Variants in RNF214 observed in about 807,000 individuals in gnomAD.
The protein encoded by RNF214 is ring finger protein 214.
A neutral mutation model predicts 75.9 loss-of-function variants in RNF214; 25 were observed. That is an observed-to-expected ratio of 0.33 (90% CI 0.24 to 0.46). The LOEUF (loss-of-function observed/expected upper bound fraction) is 0.46. Ranked by LOEUF, RNF214 falls within the 20% of genes least tolerant of loss-of-function variation. RNF214 has a pLI of 1.00. For synonymous variants in RNF214, 314 were observed against 308.8 expected (o/e 1.02, Z -0.18); for missense variants, 725 against 857.5 (o/e 0.85, Z 1.93).
At chr11:117,252,791 A>C (rs559072744) in intron 6 of RNF214, among the ~76,000 whole-genome samples, 1 of 152,018 alleles carries the variant, frequency 6.6e-6, no homozygotes, top group Non-Finnish European at 1.5e-5. Context: ...AAGTGCTGGG[A>C]TTACAGGCAT....
chr11:117,242,524 A>G (rs553475218), intron 4 of RNF214, among the ~76,000 whole-genome samples: 28 of 152,296 alleles, frequency 1.8e-4, no homozygotes, highest in African/African-American at 5.3e-4. Flanking sequence ...GTTTGGCTCT[A>G]TCTTTTGGGT....
chr11:117,233,220 C>A (rs529491386), intron 1 of RNF214, among the ~76,000 whole-genome samples: 1 of 152,188 alleles, frequency 6.6e-6, no homozygotes, highest in African/African-American at 2.4e-5. Flanking sequence ...TTTCGTTCAC[C>A]GGGCGCAGAG....
intron 6 of RNF214, among the ~76,000 whole-genome samples, chr11:117,264,943 T>G (rs944025272): frequency 6.6e-6 from 1 of 151,932 alleles, no homozygotes; most frequent in African/African-American, 2.4e-5. Flanking sequence ...GGCATGTGTC[T>G]GTACTCCCAG....
At chr11:117,284,794 G>T (rs1173380239) in intron 14 of RNF214, among the ~76,000 whole-genome samples, 2 of 152,116 alleles carry the variant, frequency 1.3e-5, no homozygotes, top group Non-Finnish European at 2.9e-5. Context: ...GCCAGGAACG[G>T]TGGTGAACGC....
chr11:117,283,254 G>C, intron 14 of RNF214, 44 bp downstream of exon 14: 7 of 1,285,140 alleles, frequency 5.4e-6, no homozygotes, highest in Non-Finnish European at 7.8e-6. Flanking sequence ...TTTTTCTTCT[G>C]ACAGCTAAAA....
In RNF214 at chr11:117,244,140, C is replaced by T. The variant is rs1048757293; in HGVS notation, c.679-305C>T. Among the ~76,000 whole-genome samples the T allele has an allele frequency of 9.2e-5, 14 of 152,068 alleles. No individual in the cohort carries two copies. The South Asian group carries it at 2.9e-3, about 32-fold the overall frequency. The stretch of plus-strand genomic sequence containing the variant: ...GGGACTACAGTGGAGTACTGGCATG[C>T]CCAGCTAATTTTTGTATTTTTTTAG... On this transcript the variant is annotated intron_variant, in intron 4 of 14. Coordinates refer to ENST00000300650, the MANE Select transcript of RNF214 (RefSeq NM_207343.4).
intron 8 of RNF214, 123 bp from the exon 9 acceptor site, chr11:117,281,191 C>G: frequency 1.5e-6 from 1 of 676,008 alleles, no homozygotes; most frequent in Non-Finnish European, 2.7e-6. Context: ...CCAGGCTGGT[C>G]TAGAACTCCT....
At position 117,247,293 on chromosome 11, in the gene RNF214, C is replaced by T. The variant is rs1003109636; in HGVS notation, c.959+345C>T. On this transcript the variant is annotated intron_variant, in intron 6 of 14. Transcript: ENST00000300650. ...TTGCTTGAGGCCAGGAGTTTGAGAC[C>T]AGCCTGAGCAACCTAGCAAGACCCC... 1.6e-4 allele frequency among the ~76,000 whole-genome samples: 24 copies of T among 152,016 alleles called. 1 individual carries two copies. Among genetic ancestry groups the T allele is most frequent in the Admixed American group, 6.6e-5 (1 of 15,250 alleles).
rs1448122378 is a variant in RNF214, at chr11:117,234,281, G to A, written c.9G>A (p.Ala3=). ...TGAATGTACAGAGCATAATGGCAGC[G>A]TCTGAGGTTGCTGGTGTTGTGGCCA... MA[A]SEVAGVVANA... The change falls in exon 2 of 15, where the codon GCG becomes GCA. Residue 3 remains alanine (A), a synonymous_variant. Coordinates refer to ENST00000300650, the MANE Select transcript of RNF214 (RefSeq NM_207343.4). 1 of 1,613,660 alleles carries A rather than the reference G, an allele frequency of 6.2e-7. No individual in the cohort carries two copies. The highest frequency in any genetic ancestry group is 8.5e-7 in the Non-Finnish European group (1 of 1,179,510).
At chr11:117,284,855 A>G (rs2134427739) in intron 14 of RNF214, among the ~76,000 whole-genome samples, 1 of 152,258 alleles carries the variant, frequency 6.6e-6, no homozygotes, top group East Asian at 1.9e-4. Context: ...GCTTGAACCC[A>G]GGAAGCAGAG....
At chr11:117,274,675 C>CTTTT (rs397937528) in intron 6 of RNF214, among the ~76,000 whole-genome samples, 1 of 128,810 alleles carries the variant, frequency 7.8e-6, no homozygotes, top group South Asian at 2.4e-4. Flanking sequence ...AGCCATGGCT[C>CTTTT]TTTTTTTTTT....
At chr11:117,245,176 G>A (rs1046541071) in intron 5 of RNF214, among the ~76,000 whole-genome samples, 4 of 149,980 alleles carry the variant, frequency 2.7e-5, no homozygotes, top group East Asian at 4.2e-4. Context: ...AAAATGAGCC[G>A]GGCGTGGTGG....
At chr11:117,270,830 G>A (rs894534919) in intron 6 of RNF214, among the ~76,000 whole-genome samples, 1 of 152,174 alleles carries the variant, frequency 6.6e-6, no homozygotes, top group Admixed American at 6.5e-5. Context: ...GACTCAAGCA[G>A]TCCTCCTGCC....
intron 2 of RNF214, among the ~76,000 whole-genome samples, chr11:117,235,718 C>G (rs1054918874): frequency 5.9e-5 from 9 of 151,990 alleles, no homozygotes; most frequent in African/African-American, 1.9e-4. Context: ...GTTGGCCAGA[C>G]TGGGTATTTT....
intron 2 of RNF214, among the ~76,000 whole-genome samples, chr11:117,234,737 C>T (rs1270154109): frequency 6.6e-6 from 1 of 152,134 alleles, no homozygotes; most frequent in Non-Finnish European, 1.5e-5. Flanking sequence ...AATATGTATA[C>T]ATACAGATAC....
intron 4 of RNF214, 126 bp downstream of exon 4, chr11:117,239,986 CTT>C (rs1207197622): frequency 9.9e-6 from 6 of 609,046 alleles, no homozygotes; most frequent in Non-Finnish European, 1.2e-5. Context: ...GGTCAGGTGA[CTT>C]TTCCTTGATC....
intron 2 of RNF214, among the ~76,000 whole-genome samples, chr11:117,235,992 G>T (rs913085730): frequency 6.6e-6 from 1 of 151,538 alleles, no homozygotes; most frequent in Non-Finnish European, 1.5e-5. Context: ...AGAGACTCTT[G>T]CCCTGTCCCC....
At chr11:117,251,465 G>A (rs2033388176) in intron 6 of RNF214, among the ~76,000 whole-genome samples, 1 of 130,882 alleles carries the variant, frequency 7.6e-6, no homozygotes, top group Admixed American at 7.3e-5. Context: ...GGGGCGGCTG[G>A]CCGGGCGGGG....
Position 117,246,935 on chromosome 11 carries a change from G to A in RNF214, c.946G>A (p.Glu316Lys). The stretch of plus-strand genomic sequence containing the variant: ...GAAAGCTGAAATTGAGAAGCTTTGT[G>A]AGAAGGGCAGAAGGTAACTGATGTT... Reference protein sequence around the residue: ...DLKAEIEKLCEKGRREVWEME... With the variant: ...DLKAEIEKLCKKGRREVWEME... Residue 316 changes from glutamate to lysine, a missense_variant, in exon 6 of 15, where the codon GAG (glutamate) becomes AAG (lysine). By Grantham distance (56) the Glu-to-Lys change is moderately conservative (BLOSUM62 1). This residue lies in a region of RNF214 where 363 missense variants were observed against 513.0 expected (regional missense o/e 0.71). Coordinates refer to ENST00000300650, the MANE Select transcript of RNF214 (RefSeq NM_207343.4). The A allele has an allele frequency of 1.9e-6, 3 of 1,611,170 alleles. No homozygotes were observed. Among genetic ancestry groups the A allele is most frequent in the African/African-American group, 1.3e-5 (1 of 74,798 alleles).
Sources: gnomAD v4.1 joint callset for allele counts (sites outside exome capture counted in the v4.1 genomes callset) on GRCh38, gnomAD v4.1.1 for gene constraint, gnomAD v4.1.1 regional missense constraint, MANE v1.5 for transcripts, NCBI Gene and HGNC (gene_info 2026-07-23, HGNC 2026-07-21) for gene names.